TRAF3: variants seen among roughly 807,000 people sequenced by gnomAD.
The protein encoded by TRAF3 is TNF receptor associated factor 3.
A neutral mutation model predicts 62.3 loss-of-function variants in TRAF3; 13 were observed. That is an observed-to-expected ratio of 0.21 (90% CI 0.14 to 0.33). The LOEUF (loss-of-function observed/expected upper bound fraction) is 0.33. TRAF3 is among the 10% of genes least tolerant of loss of function. The probability of loss-of-function intolerance (pLI) is 1.00; values close to 1 mark genes in which losing one functional copy is unlikely to be tolerated. For synonymous variants in TRAF3, 269 were observed against 283.4 expected (o/e 0.95, Z 0.51); for missense variants, 440 against 741.8 (o/e 0.59, Z 4.73).
In TRAF3 at chr14:102,907,489, A is replaced by T. The variant is rs1019479897; in HGVS notation, c.*1705A>T. On this transcript the variant is annotated 3_prime_UTR_variant, in exon 12 of 12. Coordinates refer to ENST00000392745, the MANE Select transcript of TRAF3 (RefSeq NM_145725.3). ...ACGCTTCATGGTGCTCTTACCACTG[A>T]TGGGTGCTACACGCGACGGGTGCTT... 6.6e-6 allele frequency: 1 copy of T among 152,272 alleles called. No homozygotes were observed. The highest frequency in any genetic ancestry group is 2.4e-5 in the African/African-American group (1 of 41,442). 9.4% of individuals were successfully genotyped at this position (152,272 alleles called of 1,614,324 possible).
intron 1 of TRAF3, among the ~76,000 whole-genome samples, chr14:102,824,534 G>A (rs528395002): frequency 5.3e-5 from 8 of 152,316 alleles, no homozygotes; most frequent in South Asian, 2.1e-4. Context: ...GCGGAATGCC[G>A]ATTACTTGGA....
chr14:102,900,445 G>A (rs1357167832), intron 10 of TRAF3, among the ~76,000 whole-genome samples: 1 of 152,240 alleles, frequency 6.6e-6, no homozygotes, highest in African/African-American at 2.4e-5. Flanking sequence ...AGGTTGCAGT[G>A]AGCAAAGATT....
intron 4 of TRAF3, among the ~76,000 whole-genome samples, chr14:102,874,690 G>A (rs1049376322): frequency 6.8e-6 from 1 of 148,116 alleles, no homozygotes; most frequent in Non-Finnish European, 1.5e-5. Flanking sequence ...TCCCACTGTC[G>A]CCCAGTCTGG....
chr14:102,845,850 C>T (rs1015453236), intron 2 of TRAF3, among the ~76,000 whole-genome samples: 3 of 151,680 alleles, frequency 2.0e-5, no homozygotes, highest in Non-Finnish European at 4.4e-5. Flanking sequence ...TGTGGTGGCA[C>T]ATGCTTGTAA....
chr14:102,864,395 A>G (rs987762883), intron 2 of TRAF3, among the ~76,000 whole-genome samples: 8 of 151,672 alleles, frequency 5.3e-5, no homozygotes, highest in East Asian at 3.9e-4. Flanking sequence ...TGATCTGCCC[A>G]CCTCGGCCTC....
At chr14:102,778,371 C>T (rs1897121805) in intron 1 of TRAF3, among the ~76,000 whole-genome samples, 1 of 152,158 alleles carries the variant, frequency 6.6e-6, no homozygotes, top group Non-Finnish European at 1.5e-5. Flanking sequence ...GGACTTCGGT[C>T]TAGTATTTGG....
At chr14:102,803,354 G>C (rs1458375217) in intron 1 of TRAF3, among the ~76,000 whole-genome samples, 2 of 152,162 alleles carry the variant, frequency 1.3e-5, no homozygotes, top group African/African-American at 2.4e-5. Context: ...TGGGGTGGTG[G>C]CTAAGGGCGT....
At chr14:102,825,971 G>A (rs540413784) in intron 1 of TRAF3, among the ~76,000 whole-genome samples, 14 of 152,198 alleles carry the variant, frequency 9.2e-5, no homozygotes, top group Non-Finnish European at 1.9e-4. Flanking sequence ...GAATTTACGC[G>A]GAGGCATGTC....
chr14:102,813,310 G>A (rs1347217347), intron 1 of TRAF3, among the ~76,000 whole-genome samples: 5 of 152,066 alleles, frequency 3.3e-5, no homozygotes. Context: ...ACTGGGGTGA[G>A]ATGATACCTC....
At chr14:102,833,492 A>T (rs1359347631) in intron 2 of TRAF3, among the ~76,000 whole-genome samples, 1 of 152,208 alleles carries the variant, frequency 6.6e-6, no homozygotes, top group Non-Finnish European at 1.5e-5. Flanking sequence ...TTCTCATGCA[A>T]GCGAACACCC....
intron 1 of TRAF3, among the ~76,000 whole-genome samples, chr14:102,784,787 C>T (rs535056979): frequency 1.6e-4 from 25 of 152,264 alleles, no homozygotes; most frequent in Non-Finnish European, 3.4e-4. Context: ...CAGTTTCAAC[C>T]TGGGTTAGGA....
At chr14:102,780,510 G>A (rs1897231076) in intron 1 of TRAF3, among the ~76,000 whole-genome samples, 2 of 149,254 alleles carry the variant, frequency 1.3e-5, no homozygotes, top group South Asian at 4.2e-4. Flanking sequence ...TTACTATTAA[G>A]CATAATACCT....
intron 11 of TRAF3, 144 bp from the exon 12 acceptor site, chr14:102,905,069 G>T: frequency 1.2e-6 from 1 of 825,860 alleles, no homozygotes; most frequent in Non-Finnish European, 2.0e-6. Flanking sequence ...CTGAGATGGT[G>T]CCACTGCACT....
chr14:102,797,703 A>AT (rs1231865771), intron 1 of TRAF3, among the ~76,000 whole-genome samples: 1 of 151,646 alleles, frequency 6.6e-6, no homozygotes, highest in Non-Finnish European at 1.5e-5. Flanking sequence ...GAAAAATGGT[A>AT]TTTAAGGTTG....
In TRAF3 at chr14:102,786,954, A is replaced by G. The variant is rs1897535011; in HGVS notation, c.-157+9279A>G. 2.0e-5 allele frequency among the ~76,000 whole-genome samples: 3 copies of G among 152,196 alleles called. No individual in the cohort carries two copies. The South Asian group carries it at 6.2e-4, about 32-fold the overall frequency. ...GGCTACAGTGAGGTGTTACTGTGTC[A>G]CCATACTTCCGCACTTTAGCCTGGG... On this transcript the variant is annotated intron_variant, in intron 1 of 11. Transcript: ENST00000392745.
intron 7 of TRAF3, among the ~76,000 whole-genome samples, chr14:102,887,967 A>G (rs1889495117): frequency 1.3e-5 from 2 of 152,222 alleles, no homozygotes; most frequent in South Asian, 2.1e-4. Flanking sequence ...CTTTTGAGCT[A>G]TAGATTATTC....
chr14:102,811,528 G>T (rs1355330533), intron 1 of TRAF3, among the ~76,000 whole-genome samples: 1 of 149,120 alleles, frequency 6.7e-6, no homozygotes, highest in Non-Finnish European at 1.5e-5. Context: ...AGGAGCTCAA[G>T]GAGCTGTTTG....
Position 102,781,018 on chromosome 14 carries a change from A to G in TRAF3, c.-157+3343A>G, listed in dbSNP as rs142109058. On this transcript the variant is annotated intron_variant, in intron 1 of 11. Transcript: ENST00000392745. ...CACCAGGAAGAAACCAGAAAGTAAA[A>G]ATGTAGGATGAAATGAATTAGTGGA... Among the ~76,000 whole-genome samples, 159 of 152,312 alleles carry G rather than the reference A, an allele frequency of 1.0e-3. 1 individual carries two copies. Among genetic ancestry groups the G allele is most frequent in the African/African-American group, 3.8e-3 (157 of 41,568 alleles).
At chr14:102,856,069 C>T (rs539548051) in intron 2 of TRAF3, among the ~76,000 whole-genome samples, 2 of 138,650 alleles carry the variant, frequency 1.4e-5, no homozygotes, top group South Asian at 4.5e-4. Context: ...TCCATCCAGC[C>T]TGGGCAACAG....
Sources: gnomAD v4.1 joint callset for allele counts (sites outside exome capture counted in the v4.1 genomes callset) on GRCh38, gnomAD v4.1.1 for gene constraint, MANE v1.5 for transcripts, NCBI Gene and HGNC (gene_info 2026-07-23, HGNC 2026-07-21) for gene names.